The following MRPL46 variants were observed in gnomAD, a reference collection of about 807,000 sequenced individuals.
The protein encoded by MRPL46 is mitochondrial ribosomal protein L46.
Under a neutral mutation model 31.0 loss-of-function variants are expected in MRPL46, and 26 were observed. The observed-to-expected ratio is 0.84, with a 90% CI of 0.61 to 1.16. MRPL46 has a LOEUF of 1.16. Among genes scored for constraint, MRPL46 ranks in the 50% most tolerant of loss-of-function variants. The probability of loss-of-function intolerance (pLI) is 0.00; values close to 1 mark genes in which losing one functional copy is unlikely to be tolerated. For missense variants in MRPL46, 395 were observed against 340.0 expected, an observed-to-expected ratio of 1.16 and a Z score of -1.27; for synonymous variants, 159 against 141.3, an observed-to-expected ratio of 1.13 and a Z score of -0.89.
At chr15:88,460,745 T>C (rs558297486) in intron 3 of MRPL46, 144 of 152,330 alleles carry the variant, frequency 9.5e-4, no homozygotes, top group African/African-American at 3.4e-3. Flanking sequence ...TCTGTATTTT[T>C]TTTTTCCCAA....
chr15:88,462,564 G>A (rs2142196424), intron 3 of MRPL46: 1 of 152,296 alleles, frequency 6.6e-6, no homozygotes, highest in South Asian at 2.1e-4. Context: ...ATGTGTCAGT[G>A]AGGTTTAGAC....
chr15:88,462,860 A>C (rs1598283833), intron 3 of MRPL46: 1 of 152,224 alleles, frequency 6.6e-6, no homozygotes, highest in Non-Finnish European at 1.5e-5. Context: ...ATAAGTCAAT[A>C]CACTATTTTA....
At chr15:88,462,152 A>C (rs1170990306) in intron 3 of MRPL46, 2 of 150,582 alleles carry the variant, frequency 1.3e-5, no homozygotes, top group Non-Finnish European at 2.9e-5. Flanking sequence ...GGCTTTTCTC[A>C]TACTAAAAAA....
chr15:88,467,232 C>A lies in MRPL46; in HGVS notation c.146G>T (p.Gly49Val). ...AGGTGGCCGCTGCAGGCACAACGCG[C>A]CCAACAAGCGCCATGGGGATCCGTT... ...SSNGSPWRLL[G>V]ALCLQRPPVV... Residue 49 changes from glycine to valine, a missense_variant, in exon 1 of 4, where the codon GGC becomes GTC. Coordinates refer to ENST00000312475, the MANE Select transcript of MRPL46 (RefSeq NM_022163.4). 2 of 1,614,148 alleles carry A rather than the reference C, an allele frequency of 1.2e-6. No homozygotes were observed.
At chr15:88,461,989 GAAAAC>G (rs2055481407) in intron 3 of MRPL46, 1 of 152,094 alleles carries the variant, frequency 6.6e-6, no homozygotes, top group African/African-American at 2.4e-5. Context: ...TGCAAAAAAA[GAAAAC>G]AAAACATTTA....
At chr15:88,460,047 G>A (rs1214913274) in intron 3 of MRPL46, 184 bp from the exon 4 acceptor site, 2 of 685,750 alleles carry the variant, frequency 2.9e-6, no homozygotes, top group Non-Finnish European at 4.8e-6. Context: ...AATGCCTCCT[G>A]GCCCATGGAG....
Position 88,459,837 on chromosome 15 carries a change from CTAGG to C in MRPL46, c.612_615del (p.Phe204LeufsTer35), listed in dbSNP as rs775939549. 6.2e-6 allele frequency: 10 copies of C among 1,613,994 alleles called. No homozygotes were observed. In the East Asian group the frequency reaches 2.2e-4, roughly 36 times the overall value. On this transcript the variant is annotated frameshift_variant, in exon 4 of 4. Transcript: ENST00000312475. LOFTEE classifies it high-confidence loss of function. ...GTGTAGTGCCCACAGGGTGCATTTC[CTAGG>C]AACTTGGCTTCCATGTTGTTTTCTG... is the stretch of plus-strand genomic sequence containing the variant.
At chr15:88,459,893 T>C in intron 3 of MRPL46, 30 bp from the exon 4 acceptor site, 2 of 1,612,886 alleles carry the variant, frequency 1.2e-6, no homozygotes, top group Non-Finnish European at 1.7e-6. Flanking sequence ...AAATCACAAT[T>C]GGAAGGTAAG....
chr15:88,466,003 T>TG (rs1347313510), intron 1 of MRPL46, among the ~76,000 whole-genome samples: 1 of 152,178 alleles, frequency 6.6e-6, no homozygotes, highest in Non-Finnish European at 1.5e-5. Flanking sequence ...ACAATGTCAC[T>TG]GGGGGTCAAG....
intron 3 of MRPL46, chr15:88,462,786 A>T (rs970459924): frequency 1.3e-5 from 2 of 152,102 alleles, no homozygotes; most frequent in Admixed American, 1.3e-4. Flanking sequence ...TACAGTATAT[A>T]CTCTTACATT....
rs1260095536 is a variant in MRPL46, at chr15:88,459,844, C to A, written c.609G>T (p.Lys203Asn). 2 of 1,613,994 alleles carry A rather than the reference C, an allele frequency of 1.2e-6. No individual in the cohort carries two copies. The highest frequency in any genetic ancestry group is 2.7e-5 in the African/African-American group (2 of 74,924). Residue 203 changes from lysine (K) to asparagine (N), a missense_variant, in exon 4 of 4, where the codon AAG becomes AAT. Lys to Asn is a moderately conservative substitution (Grantham distance 94). Coordinates refer to ENST00000312475, the MANE Select transcript of MRPL46 (RefSeq NM_022163.4). ...GCCCACAGGGTGCATTTCCTAGGAA[C>A]TTGGCTTCCATGTTGTTTTCTGAAG... ...ATLSENNMEA[K>N]FLGNAPCGHY...
At chr15:88,462,671 A>G (rs1434324281) in intron 3 of MRPL46, 1 of 152,262 alleles carries the variant, frequency 6.6e-6, no homozygotes, top group East Asian at 1.9e-4. Flanking sequence ...TGAAGTGTGC[A>G]CATCTTTGAC....
chr15:88,462,644 C>A (rs1424011449), intron 3 of MRPL46: 1 of 152,242 alleles, frequency 6.6e-6, no homozygotes, highest in Non-Finnish European at 1.5e-5. Flanking sequence ...GGCAACTGGG[C>A]TGCACTTACC....
intron 1 of MRPL46, among the ~76,000 whole-genome samples, chr15:88,466,885 C>G (rs529893308): frequency 9.8e-5 from 15 of 152,318 alleles, no homozygotes; most frequent in African/African-American, 3.6e-4. Flanking sequence ...CCTAGTGACA[C>G]GGACCGATTC....
intron 3 of MRPL46, chr15:88,462,137 T>C (rs1183639846): frequency 6.6e-6 from 1 of 151,610 alleles, no homozygotes; most frequent in Non-Finnish European, 1.5e-5. Flanking sequence ...ACCACATACG[T>C]GAATGGCTTT....
Position 88,463,381 on chromosome 15 carries a change from A to G in MRPL46, c.589+1322T>C, listed in dbSNP as rs1256939036. 6.6e-6 allele frequency: 1 copy of G among 152,248 alleles called. No individual in the cohort carries two copies. The highest frequency in any genetic ancestry group is 1.9e-4 in the East Asian group (1 of 5,204). 9.4% of individuals were successfully genotyped at this position (152,248 alleles called of 1,614,324 possible). The stretch of plus-strand genomic sequence containing the variant: ...AGAGAGAGGAACAGATACTGCCCAC[A>G]TGTTTAAGGAAGTCAAAATTCTGAC... On this transcript the variant is annotated intron_variant, in intron 3 of 3. Transcript: ENST00000312475. The surrounding 1 kb of genome is among the most constrained non-coding windows in gnomAD (Gnocchi z 5.4).
rs139502130 is a variant in MRPL46, at chr15:88,467,274, G to A, written c.104C>T (p.Ala35Val). 3 of 1,613,628 alleles carry A rather than the reference G, an allele frequency of 1.9e-6. No individual in the cohort carries two copies. Among genetic ancestry groups the A allele is most frequent in the Non-Finnish European group, 2.5e-6 (3 of 1,179,902 alleles). Residue 35 changes from alanine (A) to valine (V), a missense_variant, in exon 1 of 4, where the codon GCA (alanine) becomes GTA (valine). Transcript: ENST00000312475. ...GSLSSRSLALAAAPSSNGSPW... is the reference protein window; with the variant it reads ...GSLSSRSLALVAAPSSNGSPW... The stretch of plus-strand genomic sequence containing the variant: ...GGATCCGTTGCTTGAGGGTGCGGCT[G>A]CAAGAGCCAGGCTGCGAGAGCTTAG...
rs566579646 is a variant in MRPL46 at position 88,467,249 on chromosome 15, G to A, written c.129C>T (p.Ser43=). The part of the protein sequence containing the change: ...ALAAAPSSNG[S]PWRLLGALCL... ...ACAACGCGCCCAACAAGCGCCATGG[G>A]GATCCGTTGCTTGAGGGTGCGGCTG... Residue 43 remains serine, a synonymous_variant, in exon 1 of 4, where the codon TCC becomes TCT. Transcript: ENST00000312475. 5.0e-5 allele frequency: 80 copies of A among 1,614,116 alleles called. 2 individuals are homozygous for A. In the South Asian group the frequency reaches 8.0e-4, roughly 16 times the overall value.
At chr15:88,460,133 A>C in intron 3 of MRPL46, 1 of 434,544 alleles carries the variant, frequency 2.3e-6, no homozygotes, top group South Asian at 2.7e-5. Flanking sequence ...AGTTACAATC[A>C]CACCTGGGAG....
Sources: gnomAD v4.1 joint callset for allele counts (sites outside exome capture counted in the v4.1 genomes callset) on GRCh38, gnomAD v4.1.1 for gene constraint, Gnocchi (gnomAD v3.1) non-coding constraint, MANE v1.5 for transcripts, NCBI Gene and HGNC (gene_info 2026-07-23, HGNC 2026-07-21) for gene names.